The following ANKS1B variants were observed in gnomAD, a reference collection of about 807,000 sequenced individuals.
ANKS1B encodes the protein ankyrin repeat and sterile alpha motif domain containing 1B.
In ANKS1B, 36 loss-of-function variants were observed where a neutral mutation model predicts 148.3. That is an observed-to-expected ratio of 0.24 (90% CI 0.19 to 0.32). The LOEUF is 0.32. ANKS1B is among the 10% of genes least tolerant of loss of function. ANKS1B has a pLI of 1.00. For synonymous variants in ANKS1B, 542 were observed against 560.8 expected (o/e 0.97, Z 0.47); for missense variants, 1,157 against 1,542.6 (o/e 0.75, Z 4.19).
intron 17 of ANKS1B, among the ~76,000 whole-genome samples, chr12:98,857,620 G>T (rs2099578629): frequency 6.6e-6 from 1 of 151,834 alleles, no homozygotes; most frequent in Admixed American, 6.6e-5. Context: ...GTAGTGGGAG[G>T]CAATGTCACT....
intron 8 of ANKS1B, among the ~76,000 whole-genome samples, chr12:99,700,373 T>A (rs2054610269): frequency 6.6e-6 from 1 of 152,088 alleles, no homozygotes; most frequent in East Asian, 1.9e-4. Context: ...TAGTACCCAA[T>A]CCAACTGCCA....
At chr12:99,767,233 T>C (rs2062733276) in intron 8 of ANKS1B, among the ~76,000 whole-genome samples, 1 of 152,032 alleles carries the variant, frequency 6.6e-6, no homozygotes, top group African/African-American at 2.4e-5. Flanking sequence ...AAAAGAGGCA[T>C]AGTTGCTGAA....
intron 14 of ANKS1B, among the ~76,000 whole-genome samples, chr12:99,230,694 G>A (rs542846724): frequency 1.1e-4 from 17 of 152,108 alleles, no homozygotes; most frequent in Middle Eastern, 3.4e-3. Context: ...ACATTTTAGC[G>A]TCTGTGGTGC....
chr12:99,593,863 T>A (rs2097728886), intron 9 of ANKS1B, among the ~76,000 whole-genome samples: 1 of 152,102 alleles, frequency 6.6e-6, no homozygotes, highest in Non-Finnish European at 1.5e-5. Flanking sequence ...TTCTTATTTA[T>A]AATAAATAAA....
intron 17 of ANKS1B, among the ~76,000 whole-genome samples, chr12:98,938,267 G>A (rs763379097): frequency 5.9e-5 from 9 of 152,132 alleles, no homozygotes; most frequent in Non-Finnish European, 1.0e-4. Flanking sequence ...ATTAACCTAC[G>A]TTAAATTCTC....
chr12:99,834,596 T>C (rs2084533447), intron 1 of ANKS1B, among the ~76,000 whole-genome samples: 2 of 152,208 alleles, frequency 1.3e-5, no homozygotes, highest in East Asian at 3.8e-4. Flanking sequence ...TTCTATTATC[T>C]AAGCTTTCAC....
chr12:99,224,833 T>G (rs541279136), intron 14 of ANKS1B, among the ~76,000 whole-genome samples: 1 of 152,264 alleles, frequency 6.6e-6, no homozygotes, highest in Non-Finnish European at 1.5e-5. Flanking sequence ...AACTTAAACT[T>G]TCTGACACTG....
At chr12:99,925,265 T>G (rs141802166) in intron 1 of ANKS1B, among the ~76,000 whole-genome samples, 1 of 152,294 alleles carries the variant, frequency 6.6e-6, no homozygotes, top group Non-Finnish European at 1.5e-5. Flanking sequence ...GTAGTCACCT[T>G]GGGAAGTAAC....
At chr12:99,331,870 T>G (rs751338694) in intron 12 of ANKS1B, among the ~76,000 whole-genome samples, 3 of 151,872 alleles carry the variant, frequency 2.0e-5, no homozygotes, top group Non-Finnish European at 4.4e-5. Context: ...TCACACAGAC[T>G]GAATCATACG....
intron 1 of ANKS1B, among the ~76,000 whole-genome samples, chr12:99,918,275 A>G (rs1421640106): frequency 2.0e-5 from 3 of 152,192 alleles, no homozygotes. Context: ...CACTTAACCC[A>G]CTTGGGAAAT....
At chr12:99,667,389 A>AT (rs2098514497) in intron 8 of ANKS1B, among the ~76,000 whole-genome samples, 1 of 151,752 alleles carries the variant, frequency 6.6e-6, no homozygotes, top group Non-Finnish European at 1.5e-5. Context: ...AAAACCCTGA[A>AT]TTTTCAGTTA....
chr12:99,455,559 G>A (rs111849716), intron 10 of ANKS1B, among the ~76,000 whole-genome samples: 6 of 152,272 alleles, frequency 3.9e-5, no homozygotes, highest in African/African-American at 1.2e-4. Context: ...GGAAATAAAC[G>A]GTGCTGTTGG....
chr12:98,944,302 C>CAAAAA (rs11313441), intron 17 of ANKS1B, among the ~76,000 whole-genome samples: 1,079 of 87,890 alleles, frequency 0.012, 49 homozygotes, highest in African/African-American at 0.019. Flanking sequence ...CTCCACCTCA[C>CAAAAA]AAAAAAAAAA....
intron 6 of ANKS1B, among the ~76,000 whole-genome samples, chr12:99,775,912 A>C (rs2063604823): frequency 6.6e-6 from 1 of 152,168 alleles, no homozygotes; most frequent in South Asian, 2.1e-4. Context: ...TTTCTTCTAA[A>C]ACCTAAACTT....
intron 17 of ANKS1B, among the ~76,000 whole-genome samples, chr12:98,905,856 A>T (rs1288346370): frequency 6.6e-6 from 1 of 152,180 alleles, no homozygotes; most frequent in Non-Finnish European, 1.5e-5. Context: ...ATAAAAAAAA[A>T]TAATGAAAAG....
intron 22 of ANKS1B, among the ~76,000 whole-genome samples, chr12:98,790,212 G>A (rs1390137677): frequency 1.3e-5 from 2 of 152,152 alleles, no homozygotes; most frequent in Non-Finnish European, 2.9e-5. Context: ...GCCATCTTGA[G>A]CTTATGAAGG....
intron 8 of ANKS1B, among the ~76,000 whole-genome samples, chr12:99,718,799 C>T (rs2057741652): frequency 6.6e-6 from 1 of 152,204 alleles, no homozygotes; most frequent in African/African-American, 2.4e-5. Context: ...CCTTTCTTCG[C>T]TTTCACTTAG....
At chr12:99,391,543 C>T (rs1348416337) in intron 12 of ANKS1B, among the ~76,000 whole-genome samples, 1 of 152,084 alleles carries the variant, frequency 6.6e-6, no homozygotes, top group African/African-American at 2.4e-5. Flanking sequence ...GATCAGTCAC[C>T]CCCTTGAGAT....
chr12:99,051,286 A>G (rs1364685422), intron 17 of ANKS1B, among the ~76,000 whole-genome samples: 1 of 152,254 alleles, frequency 6.6e-6, no homozygotes, highest in Non-Finnish European at 1.5e-5. Flanking sequence ...GTGAAAACAT[A>G]TAATAGAGTC....
Sources: allele counts gnomAD v4.1 joint callset (sites outside exome capture counted in the v4.1 genomes callset), GRCh38; gene constraint gnomAD v4.1.1; transcripts MANE v1.5; gene names NCBI Gene and HGNC (gene_info 2026-07-23, HGNC 2026-07-21).